The following CERS3 variants were observed in gnomAD, a reference collection of about 807,000 sequenced individuals.
The protein encoded by CERS3 is LAG1 homolog, ceramide synthase 3.
A neutral mutation model predicts 50.3 loss-of-function variants in CERS3; 33 were observed. The ratio of observed to expected loss-of-function variants is 0.66; its 90% confidence interval spans 0.50 to 0.88. The LOEUF (loss-of-function observed/expected upper bound fraction) is 0.88, where lower values mean the gene tolerates loss of function less well. Ranked by LOEUF, CERS3 falls within the 40% of genes least tolerant of loss-of-function variation. The pLI, the probability that CERS3 is intolerant of heterozygous loss-of-function variation, is 0.00. For synonymous variants in CERS3, 176 were observed against 155.2 expected (o/e 1.13, Z -0.99); for missense variants, 470 against 460.3 (o/e 1.02, Z -0.19).
At chr15:100,437,241 G>A (rs1012395396) in intron 11 of CERS3, among the ~76,000 whole-genome samples, 1 of 152,064 alleles carries the variant, frequency 6.6e-6, no homozygotes, top group African/African-American at 2.4e-5. Context: ...CACCGCACCT[G>A]GCCTACATTG....
chr15:100,489,559 C>T (rs2035589206), intron 4 of CERS3, among the ~76,000 whole-genome samples: 1 of 152,054 alleles, frequency 6.6e-6, no homozygotes, highest in African/African-American at 2.4e-5. Context: ...CCATTTTATA[C>T]AAAGTATTAC....
intron 11 of CERS3, among the ~76,000 whole-genome samples, chr15:100,418,774 AT>A (rs1458404975): frequency 7.0e-6 from 1 of 141,926 alleles, no homozygotes; most frequent in Non-Finnish European, 1.5e-5. Flanking sequence ...GGGGGCCAAT[AT>A]TCAACATTCT....
intron 8 of CERS3, among the ~76,000 whole-genome samples, chr15:100,473,626 T>C (rs2035037181): frequency 6.6e-6 from 1 of 152,088 alleles, no homozygotes; most frequent in Non-Finnish European, 1.5e-5. Flanking sequence ...AGGATGGCTA[T>C]AATAAAAAAG....
chr15:100,506,591 A>T (rs891359321), intron 2 of CERS3, among the ~76,000 whole-genome samples: 1 of 151,916 alleles, frequency 6.6e-6, no homozygotes, highest in African/African-American at 2.4e-5. Flanking sequence ...AGACTTTGTA[A>T]TTCTACTCCT....
At chr15:100,425,423 T>C (rs2585218) in intron 11 of CERS3, among the ~76,000 whole-genome samples, 57,157 of 152,034 alleles carry the variant, frequency 0.38, 11,245 homozygotes, top group East Asian at 0.55. Context: ...ATCAGTGTCG[T>C]CTGAATGTGA....
At chr15:100,491,321 A>G (rs570555112) in intron 3 of CERS3, among the ~76,000 whole-genome samples, 2 of 152,320 alleles carry the variant, frequency 1.3e-5, no homozygotes, top group East Asian at 3.9e-4. Flanking sequence ...TCCCATTTCA[A>G]GTTCTAACAT....
Position 100,480,032 on chromosome 15 carries a change from A to G in CERS3, c.422T>C (p.Phe141Ser). The change falls in exon 6 of 12, where the codon TTT becomes TCT. Residue 141 changes from phenylalanine to serine, a missense_variant. Coordinates refer to ENST00000679737, the MANE Select transcript of CERS3 (RefSeq NM_001378789.1). Reference protein sequence around the residue: ...KFQEACWRFAFYLMITVAGIA... With the variant: ...KFQEACWRFASYLMITVAGIA... The stretch of plus-strand genomic sequence containing the variant: ...TCCAGCAACAGTGATCATTAAGTAA[A>G]ATGCAAATCTCCAGCTGCCAAAAGA... 1 of 1,611,364 alleles carries G rather than the reference A, an allele frequency of 6.2e-7. No individual in the cohort carries two copies. Among genetic ancestry groups the G allele is most frequent in the Non-Finnish European group, 8.5e-7 (1 of 1,178,774 alleles).
chr15:100,541,748 G>A (rs1177956842), intron 1 of CERS3, among the ~76,000 whole-genome samples: 4 of 151,898 alleles, frequency 2.6e-5, no homozygotes, highest in African/African-American at 9.7e-5. Context: ...TTAAAAAATG[G>A]AATAAAAATT....
At chr15:100,492,903 A>G (rs1056530197) in intron 3 of CERS3, among the ~76,000 whole-genome samples, 1 of 152,166 alleles carries the variant, frequency 6.6e-6, no homozygotes, top group Non-Finnish European at 1.5e-5. Context: ...TATAATTGAC[A>G]TATTAATTTA....
chr15:100,475,643 C>A (rs925055794), intron 8 of CERS3, among the ~76,000 whole-genome samples: 2 of 152,140 alleles, frequency 1.3e-5, no homozygotes, highest in African/African-American at 2.4e-5. Context: ...ATGCCCGAAG[C>A]AAGGTTTCCT....
chr15:100,450,922 A>T (rs1227387618), intron 11 of CERS3, among the ~76,000 whole-genome samples: 2 of 152,074 alleles, frequency 1.3e-5, no homozygotes, highest in Admixed American at 6.6e-5. Flanking sequence ...GAGGGGGGGA[A>T]CCTGTTAGCC....
intron 2 of CERS3, among the ~76,000 whole-genome samples, chr15:100,512,819 C>T (rs1242700925): frequency 2.6e-5 from 4 of 152,114 alleles, no homozygotes; most frequent in African/African-American, 7.2e-5. Context: ...AGAGCCCCCT[C>T]ATTTTCCCTC....
chr15:100,433,180 G>A (rs1454210427), intron 11 of CERS3, among the ~76,000 whole-genome samples: 4 of 151,066 alleles, frequency 2.6e-5, no homozygotes, highest in African/African-American at 9.8e-5. Context: ...AGGTTGCAGC[G>A]AGCTGAGATC....
At chr15:100,407,145 G>C (rs1272496911) in intron 11 of CERS3, among the ~76,000 whole-genome samples, 1 of 152,156 alleles carries the variant, frequency 6.6e-6, no homozygotes, top group Non-Finnish European at 1.5e-5. Flanking sequence ...AACCATATCA[G>C]AGGGGAAACT....
intron 10 of CERS3, among the ~76,000 whole-genome samples, chr15:100,464,389 C>T (rs189684090): frequency 3.3e-4 from 50 of 152,288 alleles, no homozygotes; most frequent in African/African-American, 1.1e-3. Flanking sequence ...TTGTACTGTT[C>T]GTAACACCCA....
At chr15:100,524,230 T>C (rs776070325) in intron 1 of CERS3, among the ~76,000 whole-genome samples, 6 of 152,228 alleles carry the variant, frequency 3.9e-5, no homozygotes, top group African/African-American at 7.2e-5. Flanking sequence ...ATAAGTATTG[T>C]TTTATGAAAC....
At chr15:100,491,103 C>T (rs939372690) in intron 3 of CERS3, among the ~76,000 whole-genome samples, 172 bp from the exon 4 acceptor site, 10 of 151,232 alleles carry the variant, frequency 6.6e-5, no homozygotes, top group African/African-American at 2.4e-4. Flanking sequence ...AGTTTCAGTC[C>T]ATACAAAAAA....
intron 11 of CERS3, among the ~76,000 whole-genome samples, chr15:100,412,399 T>C (rs1255426121): frequency 6.6e-6 from 1 of 152,244 alleles, no homozygotes; most frequent in Non-Finnish European, 1.5e-5. Flanking sequence ...CTCTATTCTA[T>C]ACCATGGTCT....
rs756096793 is a variant in CERS3, at chr15:100,479,485, G to GA, written c.466-8dup. ...AGTCATATAGCCAAGGTTTCTGAAA[G>GA]AAGAAAAAAAAAAAGAGCCAACAGA... On this transcript the variant is annotated splice_region_variant and splice_polypyrimidine_tract_variant and intron_variant, in intron 6 of 11. Transcript: ENST00000679737. 3 of 1,561,264 alleles carry GA rather than the reference G, an allele frequency of 1.9e-6. No homozygotes were observed. The highest frequency in any genetic ancestry group is 2.0e-5 in the Admixed American group (1 of 50,142).
Sources: allele counts gnomAD v4.1 joint callset (sites outside exome capture counted in the v4.1 genomes callset), GRCh38; gene constraint gnomAD v4.1.1; transcripts MANE v1.5; gene names NCBI Gene and HGNC (gene_info 2026-07-23, HGNC 2026-07-21).